Variants in LRRC63 observed in about 807,000 individuals in gnomAD.
LRRC63 encodes leucine rich repeat containing 63, also known as leucine-rich repeat-containing protein 63.
LRRC63 carries 40 observed loss-of-function variants against 49.5 expected under a neutral mutation model. The observed-to-expected ratio is 0.81, with a 90% CI of 0.63 to 1.05. LRRC63 has a LOEUF of 1.05. LRRC63 is among the 50% of genes least tolerant of loss of function. The pLI is 0.00. For missense variants in LRRC63, 636 were observed against 663.1 expected (o/e 0.96, Z 0.45); for synonymous variants, 191 against 221.1 (o/e 0.86, Z 1.21).
rs186030720 is a variant in LRRC63 at position 46,250,156 on chromosome 13, A to G, written c.1090-199A>G. The G allele has an allele frequency of 1.9e-5, 8 of 412,760 alleles. No individual in the cohort carries two copies. In the East Asian group the frequency reaches 3.2e-4, roughly 16 times the overall value. The allele number at this position is 412,760 out of a possible 1,614,324, so 25.6% of individuals were successfully genotyped here. A position where few individuals can be genotyped will look rare whatever the true frequency, so the allele number is the denominator to read the frequency against. Reference sequence around the variant, plus strand: ...GGTGTATGAGTACAGTGGTTGCACTATTTCACCATATCATACCTATTAATG... The same window carrying G: ...GGTGTATGAGTACAGTGGTTGCACTGTTTCACCATATCATACCTATTAATG... On this transcript the variant is annotated intron_variant, in intron 6 of 9. Coordinates refer to ENST00000595396, the Ensembl canonical transcript of LRRC63.
chr13:46,248,714 T>C (rs980908938), intron 6 of LRRC63, among the ~76,000 whole-genome samples: 1 of 151,770 alleles, frequency 6.6e-6, no homozygotes, highest in South Asian at 2.1e-4. Context: ...CGATAATGAA[T>C]AGAAAAATTA....
At chr13:46,245,230 G>A (rs2047181580) in intron 5 of LRRC63, among the ~76,000 whole-genome samples, 1 of 152,100 alleles carries the variant, frequency 6.6e-6, no homozygotes, top group South Asian at 2.1e-4. Flanking sequence ...AAAGTGAGAA[G>A]TAGAACAATT....
intron 5 of LRRC63, among the ~76,000 whole-genome samples, chr13:46,235,289 C>T (rs1442833545): frequency 6.6e-6 from 1 of 152,072 alleles, no homozygotes; most frequent in Non-Finnish European, 1.5e-5. Flanking sequence ...AATAACTGAA[C>T]ACAAGTTAAA....
At chr13:46,213,163 T>G (rs1260254772) in intron 2 of LRRC63, 44 bp downstream of exon 2, 2 of 1,278,186 alleles carry the variant, frequency 1.6e-6, no homozygotes, top group Non-Finnish European at 2.2e-6. Context: ...TTATGTATCT[T>G]TCATAGAAAT....
chr13:46,264,557 A>C (rs1466921522), intron 8 of LRRC63, among the ~76,000 whole-genome samples: 2 of 151,736 alleles, frequency 1.3e-5, no homozygotes, highest in Admixed American at 6.6e-5. Context: ...TTTACACATC[A>C]TGCATTTTGG....
chr13:46,266,763 T>G (rs1200239780), exon 9 of LRRC63: 1 of 1,549,422 alleles, frequency 6.5e-7, no homozygotes, highest in South Asian at 1.2e-5. Flanking sequence ...TTGATGGGAA[T>G]GAACTGAGTT....
At chr13:46,254,919 T>C (rs2047470453) in intron 7 of LRRC63, among the ~76,000 whole-genome samples, 1 of 152,186 alleles carries the variant, frequency 6.6e-6, no homozygotes, top group African/African-American at 2.4e-5. Context: ...TTATCTGCAA[T>C]ATCCTGAAAA....
At chr13:46,260,791 C>T (rs181622444) in intron 7 of LRRC63, among the ~76,000 whole-genome samples, 1 of 152,228 alleles carries the variant, frequency 6.6e-6, no homozygotes, top group Non-Finnish European at 1.5e-5. Flanking sequence ...TGCTGGACCA[C>T]AGAGGAATAT....
intron 2 of LRRC63, among the ~76,000 whole-genome samples, chr13:46,225,389 C>T (rs1381528130): frequency 1.3e-5 from 2 of 152,232 alleles, no homozygotes; most frequent in East Asian, 3.8e-4. Context: ...CTGCCCCAGG[C>T]TTCAGCAGCA....
chr13:46,264,363 T>G (rs1256842895), intron 8 of LRRC63, among the ~76,000 whole-genome samples: 1 of 152,186 alleles, frequency 6.6e-6, no homozygotes, highest in African/African-American at 2.4e-5. Flanking sequence ...TGCCTATTGT[T>G]TACATGTTAG....
At chr13:46,243,369 A>G (rs4941548) in intron 5 of LRRC63, among the ~76,000 whole-genome samples, 81,266 of 152,022 alleles carry the variant, frequency 0.53, 25,267 homozygotes, top group African/African-American at 0.86. Flanking sequence ...AGGTAGTAAG[A>G]GAGGTAAAAA....
intron 1 of LRRC63, 86 bp from the exon 2 acceptor site, chr13:46,212,916 T>G: frequency 2.9e-6 from 2 of 690,322 alleles, no homozygotes; most frequent in South Asian, 3.9e-5. Context: ...TACAGAATGA[T>G]TTTCTTTAAG....
At chr13:46,260,725 C>T (rs1204126301) in intron 7 of LRRC63, among the ~76,000 whole-genome samples, 2 of 152,064 alleles carry the variant, frequency 1.3e-5, no homozygotes, top group African/African-American at 2.4e-5. Context: ...GGAAATTTTA[C>T]GTGTTATTTA....
intron 4 of LRRC63, among the ~76,000 whole-genome samples, chr13:46,229,767 G>T (rs2046690454): frequency 6.6e-6 from 1 of 152,098 alleles, no homozygotes; most frequent in African/African-American, 2.4e-5. Context: ...GGCCATTCTT[G>T]CATTGCTATA....
intron 7 of LRRC63, among the ~76,000 whole-genome samples, chr13:46,255,723 T>A (rs1220554709): frequency 6.6e-6 from 1 of 151,210 alleles, no homozygotes; most frequent in African/African-American, 2.4e-5. Context: ...CTTTCTAAAA[T>A]TTTTAGGTAT....
At chr13:46,275,593 C>T (rs955953490) in intron 9 of LRRC63, among the ~76,000 whole-genome samples, 2 of 151,440 alleles carry the variant, frequency 1.3e-5, no homozygotes, top group African/African-American at 4.9e-5. Flanking sequence ...TTTTCATATA[C>T]TTATTGGCCA....
At chr13:46,226,652 G>C (rs542786958) in intron 2 of LRRC63, among the ~76,000 whole-genome samples, 8 of 152,124 alleles carry the variant, frequency 5.3e-5, no homozygotes, top group Non-Finnish European at 8.8e-5. Context: ...CCATGGGGAG[G>C]GAAAAATCAG....
chr13:46,234,454 C>T lies in LRRC63; in HGVS notation c.990+105C>T. 6.5e-6 allele frequency: 7 copies of T among 1,073,132 alleles called. No homozygotes were observed. The South Asian group carries it at 7.6e-5, about 12-fold the overall frequency. 66.5% of individuals were successfully genotyped at this position (1,073,132 alleles called of 1,614,324 possible). A position where few individuals can be genotyped will look rare whatever the true frequency, so the allele number is the denominator to read the frequency against. On this transcript the variant is annotated intron_variant, in intron 5 of 9. Coordinates refer to ENST00000595396, the Ensembl canonical transcript of LRRC63. ...TTCCATGGTATTGAGGGGAATTTTC[C>T]TATTACAATAGAGATTTCTTAGGAA... is the stretch of plus-strand genomic sequence containing the variant.
chr13:46,262,629 T>G (rs955380392), intron 8 of LRRC63, among the ~76,000 whole-genome samples: 1 of 152,020 alleles, frequency 6.6e-6, no homozygotes, highest in Non-Finnish European at 1.5e-5. Flanking sequence ...TTTGATCAAT[T>G]TTTCTACTCT....
Sources: allele counts gnomAD v4.1 joint callset (sites outside exome capture counted in the v4.1 genomes callset), GRCh38; gene constraint gnomAD v4.1.1; transcripts MANE v1.5; gene names NCBI Gene and HGNC (gene_info 2026-07-23, HGNC 2026-07-21).